NELL1: variants seen among roughly 807,000 people sequenced by gnomAD.
NELL1 encodes the protein protein kinase C-binding protein NELL1.
In NELL1, 76 loss-of-function variants were observed where a neutral mutation model predicts 107.4. That is an observed-to-expected ratio of 0.71 (90% CI 0.59 to 0.86). NELL1 has a LOEUF of 0.86. NELL1 is among the 40% of genes least tolerant of loss of function. The pLI is 0.00. For missense variants in NELL1, 1,024 were observed against 1,005.5 expected (o/e 1.02, Z -0.25); for synonymous variants, 353 against 341.2 (o/e 1.03, Z -0.38).
rs1022033196 is a variant in NELL1, at chr11:21,261,601, C to A, written c.1549+32147C>A. 4.0e-5 allele frequency among the ~76,000 whole-genome samples: 6 copies of A among 151,690 alleles called. No individual in the cohort carries two copies. The South Asian group carries it at 8.3e-4, about 21-fold the overall frequency. On this transcript the variant is annotated intron_variant, in intron 14 of 19. Coordinates refer to ENST00000357134, the MANE Select transcript of NELL1 (RefSeq NM_006157.5). Reference sequence around the variant, plus strand: ...CACAAGAGGAAACAGAGGCAGAGAGCGATTAAAGAATTTGCCCAAGGTCAA... The same window carrying A: ...CACAAGAGGAAACAGAGGCAGAGAGAGATTAAAGAATTTGCCCAAGGTCAA...
chr11:20,675,660 G>A (rs1263102257), intron 1 of NELL1, among the ~76,000 whole-genome samples: 1 of 152,094 alleles, frequency 6.6e-6, no homozygotes, highest in Non-Finnish European at 1.5e-5. Context: ...ATAAACCTTA[G>A]AACCCTCCAA....
At position 21,575,063 on chromosome 11, in the gene NELL1, G is replaced by T; in HGVS notation, c.*41G>T. The T allele has an allele frequency of 2.0e-6, 3 of 1,519,254 alleles. No individual in the cohort carries two copies. In the South Asian group the frequency reaches 3.4e-5, roughly 17 times the overall value. The allele number at this position is 1,519,254 out of a possible 1,614,324, so 94.1% of individuals were successfully genotyped here. ...CTCAACGCAGAAGAATGGACGAAAT[G>T]ACCATCCAACGTGATTAAGGATAGG... On this transcript the variant is annotated 3_prime_UTR_variant, in exon 20 of 20. Transcript: ENST00000357134.
At chr11:20,777,458 G>A (rs1856772052) in intron 2 of NELL1, among the ~76,000 whole-genome samples, 1 of 152,158 alleles carries the variant, frequency 6.6e-6, no homozygotes, top group Non-Finnish European at 1.5e-5. Context: ...AGTGACTTCT[G>A]TTTTTTTGAA....
intron 2 of NELL1, among the ~76,000 whole-genome samples, chr11:20,762,277 A>G (rs1564898287): frequency 6.6e-6 from 1 of 152,158 alleles, no homozygotes; most frequent in Non-Finnish European, 1.5e-5. Flanking sequence ...AGATGAGAGA[A>G]CACACGTGGT....
intron 15 of NELL1, 60 bp from the exon 16 acceptor site, chr11:21,534,314 G>C: frequency 1.9e-6 from 3 of 1,599,278 alleles, no homozygotes; most frequent in Non-Finnish European, 2.6e-6. Context: ...GGCATTTCCT[G>C]AAAGGTTAGT....
intron 2 of NELL1, among the ~76,000 whole-genome samples, chr11:20,722,275 C>A (rs1327573666): frequency 6.6e-6 from 1 of 152,146 alleles, no homozygotes; most frequent in Non-Finnish European, 1.5e-5. Context: ...CTTGCCTCAG[C>A]CTTCCAAAGT....
chr11:20,965,599 A>G (rs1851372826), intron 12 of NELL1, among the ~76,000 whole-genome samples: 1 of 152,210 alleles, frequency 6.6e-6, no homozygotes, highest in South Asian at 2.1e-4. Flanking sequence ...CACAAGTGGA[A>G]TTGTATTCAA....
At chr11:20,974,280 AG>A (rs1851560461) in intron 12 of NELL1, among the ~76,000 whole-genome samples, 2 of 152,306 alleles carry the variant, frequency 1.3e-5, no homozygotes, top group East Asian at 1.9e-4. Flanking sequence ...CATTTGTGTC[AG>A]GCATTGTGCT....
At chr11:21,555,806 G>A (rs1329619904) in intron 16 of NELL1, among the ~76,000 whole-genome samples, 2 of 151,858 alleles carry the variant, frequency 1.3e-5, no homozygotes, top group Admixed American at 1.3e-4. Context: ...AGTGAGATGA[G>A]TTTGAGCTCC....
chr11:20,991,546 G>C (rs1320571207), intron 12 of NELL1, among the ~76,000 whole-genome samples: 1 of 152,162 alleles, frequency 6.6e-6, no homozygotes, highest in African/African-American at 2.4e-5. Context: ...AATCCAGATT[G>C]GTCTGATTCC....
At chr11:21,282,709 A>G (rs1565146932) in intron 14 of NELL1, among the ~76,000 whole-genome samples, 1 of 152,142 alleles carries the variant, frequency 6.6e-6, no homozygotes. Context: ...TGCATAGAAA[A>G]TATATGTGTA....
rs56813080 is a variant in NELL1, at chr11:21,021,012, A to AACACACACACACACAC, written c.1300+60474_1300+60489dup. 6.7e-3 allele frequency among the ~76,000 whole-genome samples: 933 copies of AACACACACACACACAC among 140,254 alleles called. 11 individuals carry two copies. Among genetic ancestry groups the AACACACACACACACAC allele is most frequent in the African/African-American group, 0.023 (844 of 37,098 alleles). The allele number at this position is 140,254 out of a possible 152,430, so 92.0% of individuals were successfully genotyped here. A position where few individuals can be genotyped will look rare whatever the true frequency, so the allele number is the denominator to read the frequency against. On this transcript the variant is annotated intron_variant, in intron 12 of 19. Transcript: ENST00000357134. ...GCTGATAGAGCAGAAAGAAACTTAG[A>AACACACACACACACAC]ACACACACACACACACACACACACA...
intron 13 of NELL1, among the ~76,000 whole-genome samples, chr11:21,227,960 G>A (rs1458530778): frequency 6.6e-6 from 1 of 152,036 alleles, no homozygotes; most frequent in African/African-American, 2.4e-5. Context: ...GAAGATTGAT[G>A]GTTTTTCAAA....
At chr11:21,037,727 C>T (rs1590569148) in intron 12 of NELL1, among the ~76,000 whole-genome samples, 1 of 152,164 alleles carries the variant, frequency 6.6e-6, no homozygotes, top group Non-Finnish European at 1.5e-5. Flanking sequence ...TCTCTCTTTT[C>T]AGTCCCTCCC....
chr11:20,686,635 G>T (rs762396464), intron 2 of NELL1, among the ~76,000 whole-genome samples: 2 of 152,130 alleles, frequency 1.3e-5, no homozygotes, highest in South Asian at 4.1e-4. Flanking sequence ...TGCCTTGTTC[G>T]AACATTTGGC....
intron 2 of NELL1, among the ~76,000 whole-genome samples, chr11:20,736,300 A>G (rs1670238290): frequency 6.6e-6 from 1 of 152,172 alleles, no homozygotes; most frequent in Non-Finnish European, 1.5e-5. Flanking sequence ...GGAGAAAGAC[A>G]GTTAGAGCTT....
chr11:21,074,167 CAGCATAAACTGGGATTCT>C (rs1284924217), intron 12 of NELL1, among the ~76,000 whole-genome samples: 2 of 152,108 alleles, frequency 1.3e-5, no homozygotes, highest in Admixed American at 1.3e-4. Flanking sequence ...CCAGTAACAT[CAGCATAAACTGGGATTCT>C]ATTAAAAATA....
intron 14 of NELL1, among the ~76,000 whole-genome samples, chr11:21,351,403 G>A (rs77926806): frequency 0.017 from 2,533 of 151,964 alleles, 43 homozygotes; most frequent in Non-Finnish European, 0.027. Flanking sequence ...AGGCCTCCCA[G>A]TTCAGGGAAC....
intron 2 of NELL1, among the ~76,000 whole-genome samples, chr11:20,780,935 G>A (rs574019795): frequency 2.9e-4 from 44 of 152,354 alleles, no homozygotes; most frequent in African/African-American, 1.0e-3. Context: ...CAGGCATGCT[G>A]AAGGGACTGG....
Sources: allele counts gnomAD v4.1 joint callset (sites outside exome capture counted in the v4.1 genomes callset), GRCh38; gene constraint gnomAD v4.1.1; transcripts MANE v1.5; gene names NCBI Gene and HGNC (gene_info 2026-07-23, HGNC 2026-07-21).